Variants in FRMD6 observed in about 807,000 individuals in gnomAD.
FRMD6 encodes the protein FERM domain containing 6, also known as FERM domain-containing protein 6.
Under a neutral mutation model 73.2 loss-of-function variants are expected in FRMD6, and 37 were observed. The observed-to-expected ratio is 0.51, with a 90% CI of 0.39 to 0.66. FRMD6 has a LOEUF of 0.66. FRMD6 is among the 30% of genes least tolerant of loss of function. FRMD6 has a pLI of 0.00. For missense variants in FRMD6, 714 were observed against 780.5 expected, an observed-to-expected ratio of 0.91 and a Z score of 1.02; for synonymous variants, 273 against 282.2, an observed-to-expected ratio of 0.97 and a Z score of 0.33.
chr14:51,511,499 T>C (rs1169864851), intron 1 of FRMD6, among the ~76,000 whole-genome samples: 1 of 152,202 alleles, frequency 6.6e-6, no homozygotes, highest in East Asian at 1.9e-4. Flanking sequence ...TTACAAGCCA[T>C]CAATGCTCAC....
At chr14:51,578,555 G>T (rs2139643158) in intron 2 of FRMD6, among the ~76,000 whole-genome samples, 1 of 152,312 alleles carries the variant, frequency 6.6e-6, no homozygotes, top group African/African-American at 2.4e-5. Context: ...GTGATACCCA[G>T]CCCTGAAAAC....
At chr14:51,722,158 A>G (rs1379995629) in intron 12 of FRMD6, 78 bp downstream of exon 12, 29 of 1,537,184 alleles carry the variant, frequency 1.9e-5, no homozygotes, top group Non-Finnish European at 2.0e-5. Flanking sequence ...AGAAAATAGA[A>G]GGGGTGAGCT....
At chr14:51,647,575 A>C (rs1322178481), upstream of FRMD6, among the ~76,000 whole-genome samples, 1 of 152,134 alleles carries the variant, frequency 6.6e-6, no homozygotes, top group Non-Finnish European at 1.5e-5. Context: ...GACTTAATTA[A>C]ATTTATTTTG....
intron 1 of FRMD6, among the ~76,000 whole-genome samples, chr14:51,662,108 A>G (rs984748037): frequency 1.3e-5 from 2 of 152,220 alleles, no homozygotes; most frequent in Admixed American, 6.5e-5. Context: ...GATGAGAACT[A>G]TATCTTGAAA....
chr14:51,716,887 C>A (rs749349), intron 10 of FRMD6, among the ~76,000 whole-genome samples: 3 of 151,992 alleles, frequency 2.0e-5, no homozygotes, highest in Non-Finnish European at 4.4e-5. Flanking sequence ...GACATAATTA[C>A]GTGCAGAGCC....
chr14:51,503,544 A>C (rs568559862), intron 1 of FRMD6, among the ~76,000 whole-genome samples: 1 of 152,336 alleles, frequency 6.6e-6, no homozygotes, highest in East Asian at 1.9e-4. Context: ...ATGTTGAACC[A>C]ACCTTGCATC....
At chr14:51,408,172 T>C in the FRMD6 span, among the ~76,000 whole-genome samples, 2 of 151,862 alleles carry the variant, frequency 1.3e-5, no homozygotes, top group Non-Finnish European at 2.9e-5. Flanking sequence ...TTTTTTTTTT[T>C]TACAAATACA....
intron 2 of FRMD6, among the ~76,000 whole-genome samples, chr14:51,593,814 T>C (rs1292515117): frequency 6.6e-6 from 1 of 152,170 alleles, no homozygotes; most frequent in African/African-American, 2.4e-5. Flanking sequence ...AAATATGTTA[T>C]GTGTATATAT....
At chr14:51,421,479 A>C in the FRMD6 span, among the ~76,000 whole-genome samples, 580 of 152,346 alleles carry the variant, frequency 3.8e-3, 5 homozygotes, top group African/African-American at 0.013. Flanking sequence ...TTGAGTGAGA[A>C]CAAAATAAAT....
At chr14:51,423,408 G>A in the FRMD6 span, among the ~76,000 whole-genome samples, 1 of 152,178 alleles carries the variant, frequency 6.6e-6, no homozygotes, top group Non-Finnish European at 1.5e-5. Context: ...CTCAGCTTGC[G>A]TGTAGCTACT....
rs369811499 is a variant in FRMD6 at position 51,585,960 on chromosome 14, T to TATATATATATATATATATATATATATAA, written c.-147+15551_-147+15552insTATATATATATATATATATATATATAAA. On this transcript the variant is annotated intron_variant, in intron 2 of 14. Transcript: ENST00000356218. ...GTGTGTATATATATATATATATATA[T>TATATATATATATATATATATATATATAA]AACATTTTCTTTATCAAACCTTTGT... is the stretch of plus-strand genomic sequence containing the variant. Among the ~76,000 whole-genome samples, 42 of 91,230 alleles carry TATATATATATATATATATATATATATAA rather than the reference T, an allele frequency of 4.6e-4. 3 individuals carry two copies. Among genetic ancestry groups the TATATATATATATATATATATATATATAA allele is most frequent in the East Asian group, 2.1e-3 (5 of 2,366 alleles). 59.9% of individuals were successfully genotyped at this position (91,230 alleles called of 152,430 possible).
intron 1 of FRMD6, among the ~76,000 whole-genome samples, chr14:51,515,220 C>A (rs1272151355): frequency 6.6e-6 from 1 of 152,234 alleles, no homozygotes; most frequent in African/African-American, 2.4e-5. Context: ...TGCCCCACTC[C>A]AGTTCCCGTT....
At chr14:51,431,214 A>G in the FRMD6 span, among the ~76,000 whole-genome samples, 6 of 152,288 alleles carry the variant, frequency 3.9e-5, no homozygotes, top group Admixed American at 2.6e-4. Flanking sequence ...TGGTTAAGCC[A>G]TTGCCCCGAT....
chr14:51,657,689 G>A (rs1892933257), intron 1 of FRMD6, among the ~76,000 whole-genome samples: 1 of 152,160 alleles, frequency 6.6e-6, no homozygotes, highest in Admixed American at 6.5e-5. Flanking sequence ...GTTGAAAGCA[G>A]AGTATGGTCT....
chr14:51,654,682 G>C (rs192297319), intron 1 of FRMD6, among the ~76,000 whole-genome samples: 2 of 151,956 alleles, frequency 1.3e-5, no homozygotes, highest in Admixed American at 1.3e-4. Context: ...AAAAATGTAT[G>C]TGAATTTTAG....
chr14:51,628,674 A>T (rs1891207613), intron 2 of FRMD6, among the ~76,000 whole-genome samples: 1 of 151,378 alleles, frequency 6.6e-6, no homozygotes, highest in African/African-American at 2.4e-5. Context: ...TTAGCTGGGC[A>T]TGGTGGCATG....
At chr14:51,550,385 C>T (rs774269499) in intron 1 of FRMD6, among the ~76,000 whole-genome samples, 6 of 152,124 alleles carry the variant, frequency 3.9e-5, no homozygotes, top group Non-Finnish European at 7.4e-5. Flanking sequence ...TTATCATTGG[C>T]TCATTTTATT....
chr14:51,679,555 CTTTT>C (rs61250963), intron 1 of FRMD6, among the ~76,000 whole-genome samples: 5 of 120,576 alleles, frequency 4.1e-5, no homozygotes, highest in South Asian at 2.7e-4. Flanking sequence ...CATTTGTTTT[CTTTT>C]TTTTTTTTTT....
chr14:51,560,763 C>T (rs538248587), intron 1 of FRMD6, among the ~76,000 whole-genome samples: 35 of 152,286 alleles, frequency 2.3e-4, no homozygotes, highest in African/African-American at 6.7e-4. Context: ...GGATTACAGG[C>T]GTGAGTCACC....
Sources: gnomAD v4.1 joint callset for allele counts (sites outside exome capture counted in the v4.1 genomes callset) on GRCh38, gnomAD v4.1.1 for gene constraint, MANE v1.5 for transcripts, NCBI Gene and HGNC (gene_info 2026-07-23, HGNC 2026-07-21) for gene names.